Variants in THSD4 observed in about 807,000 individuals in gnomAD.
The protein encoded by THSD4 is thrombospondin type-1 domain-containing protein 4.
Under a neutral mutation model 119.0 loss-of-function variants are expected in THSD4, and 69 were observed. The ratio of observed to expected loss-of-function variants is 0.58; its 90% CI spans 0.48 to 0.71. The LOEUF (loss-of-function observed/expected upper bound fraction) is 0.71. THSD4 is among the 30% of genes least tolerant of loss of function. THSD4 has a pLI of 0.00. For synonymous variants in THSD4, 524 were observed against 540.4 expected, an observed-to-expected ratio of 0.97 and a Z score of 0.42; for missense variants, 1,393 against 1,391.1, an observed-to-expected ratio of 1.00 and a Z score of -0.02.
chr15:71,449,650 C>T (rs964326006), intron 7 of THSD4, among the ~76,000 whole-genome samples: 8 of 151,990 alleles, frequency 5.3e-5, no homozygotes, highest in South Asian at 4.1e-4. Context: ...TGATGATAAT[C>T]GGTTGTCCCC....
chr15:71,549,177 T>A (rs1595876616), intron 7 of THSD4, among the ~76,000 whole-genome samples: 1 of 151,960 alleles, frequency 6.6e-6, no homozygotes, highest in Admixed American at 6.5e-5. Flanking sequence ...AAGGCAGAGG[T>A]TTTGTCTTAT....
intron 1 of THSD4, among the ~76,000 whole-genome samples, chr15:71,124,429 C>T (rs1321233362): frequency 6.6e-6 from 1 of 152,012 alleles, no homozygotes. Flanking sequence ...GTTTGTGGAC[C>T]CCTGGTCTAG....
At position 71,097,731 on chromosome 15, in the gene THSD4, T is replaced by A. The variant is rs867203977; in HGVS notation, c.-80+725T>A. Among the ~76,000 whole-genome samples, 519 of 72,144 alleles carry A rather than the reference T, an allele frequency of 7.2e-3. 6 individuals carry two copies. Among genetic ancestry groups the A allele is most frequent in the African/African-American group, 0.017 (399 of 23,654 alleles). The allele number at this position is 72,144 out of a possible 152,430, so 47.3% of individuals were successfully genotyped here. ...ATGTATATATATATATATATATATTTTTTTTTTTAAGTCCAAAGCAAACTC... is the reference window on the plus strand; with the variant it reads ...ATGTATATATATATATATATATATTATTTTTTTTAAGTCCAAAGCAAACTC... On this transcript the variant is annotated intron_variant, in intron 1 of 17. Transcript: ENST00000355327.
chr15:71,133,008 T>C (rs898650521), intron 1 of THSD4, among the ~76,000 whole-genome samples: 4 of 152,194 alleles, frequency 2.6e-5, no homozygotes, highest in Admixed American at 2.0e-4. Context: ...TGGGTCATCA[T>C]CTCGGAGAAA....
chr15:71,100,626 A>G (rs576792540), intron 1 of THSD4, among the ~76,000 whole-genome samples: 1 of 152,338 alleles, frequency 6.6e-6, no homozygotes, highest in African/African-American at 2.4e-5. Flanking sequence ...ATAATTTGTT[A>G]CATAGAAACA....
At chr15:71,519,442 G>T (rs1595851098) in intron 7 of THSD4, among the ~76,000 whole-genome samples, 1 of 152,022 alleles carries the variant, frequency 6.6e-6, no homozygotes, top group Non-Finnish European at 1.5e-5. Flanking sequence ...GCTCACTGCA[G>T]CCTCTGCCTC....
rs78471071 is a variant in THSD4 at position 71,764,392 on chromosome 15, C to T, written c.2590-628C>T. ...TGAAATGAACCAACATATGTAATTG[C>T]CTGGCTTCTTTGTGGGGTCACTACC... On this transcript the variant is annotated intron_variant, in intron 15 of 17. Transcript: ENST00000261862. Among the ~76,000 whole-genome samples, 16 of 152,320 alleles carry T rather than the reference C, an allele frequency of 1.1e-4. No homozygotes were observed. In the East Asian group the frequency reaches 2.9e-3, roughly 27 times the overall value.
intron 2 of THSD4, among the ~76,000 whole-genome samples, chr15:71,142,668 A>G (rs2040616448): frequency 6.6e-6 from 1 of 152,244 alleles, no homozygotes; most frequent in Non-Finnish European, 1.5e-5. Flanking sequence ...GAAAATCCTA[A>G]CCCATTACAG....
intron 5 of THSD4, among the ~76,000 whole-genome samples, chr15:71,249,226 G>A (rs1329298746): frequency 6.6e-6 from 1 of 151,874 alleles, no homozygotes; most frequent in African/African-American, 2.4e-5. Context: ...TAACATGTGT[G>A]TGCATATATA....
chr15:71,184,691 G>A (rs2043579606), intron 3 of THSD4, among the ~76,000 whole-genome samples: 1 of 151,618 alleles, frequency 6.6e-6, no homozygotes, highest in Admixed American at 6.6e-5. Flanking sequence ...TGCTCACATG[G>A]CACCATCTCC....
In THSD4 at chr15:71,439,763, A is replaced by G. The variant is rs1056618992; in HGVS notation, c.1152+27940A>G. Among the ~76,000 whole-genome samples, 8 of 152,302 alleles carry G rather than the reference A, an allele frequency of 5.3e-5. No individual in the cohort carries two copies. The East Asian group carries it at 1.4e-3, about 26-fold the overall frequency. ...TCATTCTCAGCAAACTAACACAGGA[A>G]CAGAAAACCAGACACCACATGTTCT... On this transcript the variant is annotated intron_variant, in intron 7 of 17. Coordinates refer to ENST00000261862, the MANE Select transcript of THSD4 (RefSeq NM_024817.3).
At chr15:71,388,525 AG>A (rs897884568) in intron 6 of THSD4, among the ~76,000 whole-genome samples, 5 of 152,102 alleles carry the variant, frequency 3.3e-5, no homozygotes, top group Non-Finnish European at 7.3e-5. Flanking sequence ...CTTTAGATGA[AG>A]GGGGGAAAAA....
intron 7 of THSD4, among the ~76,000 whole-genome samples, chr15:71,598,390 T>C (rs2049945174): frequency 6.6e-6 from 1 of 152,094 alleles, no homozygotes; most frequent in African/African-American, 2.4e-5. Context: ...ACTATAGGCA[T>C]TGATGGGTAC....
chr15:71,524,856 C>G (rs946619474), intron 7 of THSD4, among the ~76,000 whole-genome samples: 5 of 150,474 alleles, frequency 3.3e-5, no homozygotes, highest in African/African-American at 9.8e-5. Flanking sequence ...TTGTGATCCG[C>G]CTGCCTCGGC....
intron 1 of THSD4, among the ~76,000 whole-genome samples, chr15:71,140,580 G>T (rs1301986604): frequency 2.0e-5 from 3 of 152,268 alleles, no homozygotes; most frequent in Non-Finnish European, 4.4e-5. Flanking sequence ...TATCATCAGA[G>T]CAACCATTTA....
intron 7 of THSD4, among the ~76,000 whole-genome samples, chr15:71,425,680 C>G (rs1323173286): frequency 6.6e-6 from 1 of 152,176 alleles, no homozygotes; most frequent in African/African-American, 2.4e-5. Flanking sequence ...TCCAGTCTTG[C>G]TTTAGCAAAA....
upstream of THSD4, chr15:71,110,860 C>T (rs939949755): frequency 1.2e-5 from 5 of 417,078 alleles, no homozygotes; most frequent in Admixed American, 4.1e-5. Context: ...GAAGGATAGA[C>T]GGGAAAGTGA....
intron 6 of THSD4, among the ~76,000 whole-genome samples, chr15:71,287,977 G>T (rs1039473503): frequency 2.0e-5 from 3 of 152,036 alleles, no homozygotes; most frequent in Non-Finnish European, 4.4e-5. Flanking sequence ...TTTCACATTT[G>T]AGTAACTTTA....
At chr15:71,105,442 T>G (rs1248342715) in intron 1 of THSD4, among the ~76,000 whole-genome samples, 2 of 152,230 alleles carry the variant, frequency 1.3e-5, no homozygotes, top group East Asian at 3.9e-4. Flanking sequence ...ATCCCATTCC[T>G]GGAGGTCAGT....
Sources: gnomAD v4.1 joint callset for allele counts (sites outside exome capture counted in the v4.1 genomes callset) on GRCh38, gnomAD v4.1.1 for gene constraint, MANE v1.5 for transcripts, NCBI Gene and HGNC (gene_info 2026-07-23, HGNC 2026-07-21) for gene names.